The following TMC1 variants were observed in gnomAD, a reference collection of about 807,000 sequenced individuals.
TMC1 encodes transmembrane channel-like protein 1.
A neutral mutation model predicts 105.8 loss-of-function variants in TMC1; 84 were observed. The ratio of observed to expected loss-of-function variants is 0.79; its 90% CI spans 0.67 to 0.95. TMC1 has a LOEUF of 0.95. Ranked by LOEUF, TMC1 falls within the 40% of genes least tolerant of loss-of-function variation. The pLI is 0.00. For missense variants in TMC1, 817 were observed against 914.1 expected (o/e 0.89, Z 1.37); for synonymous variants, 315 against 311.5 (o/e 1.01, Z -0.12).
At chr9:72,786,356 A>T (rs556610682) in intron 13 of TMC1, among the ~76,000 whole-genome samples, 2 of 152,290 alleles carry the variant, frequency 1.3e-5, no homozygotes, top group African/African-American at 4.8e-5. Context: ...AGGCAGGAGA[A>T]TGGCGTGATC....
intron 23 of TMC1, among the ~76,000 whole-genome samples, chr9:72,832,273 A>G (rs1190720603): frequency 6.7e-6 from 1 of 150,242 alleles, no homozygotes; most frequent in Non-Finnish European, 1.5e-5. Flanking sequence ...TTTTATCCTA[A>G]GTTTAGAACA....
chr9:72,537,859 G>A (rs914853174), intron 1 of TMC1, among the ~76,000 whole-genome samples: 8 of 152,156 alleles, frequency 5.3e-5, no homozygotes, highest in African/African-American at 1.4e-4. Context: ...CTTGAGTTAA[G>A]ATAAAGAGGT....
intron 17 of TMC1, among the ~76,000 whole-genome samples, chr9:72,803,639 C>T (rs115438291): frequency 0.012 from 1,895 of 152,304 alleles, 54 homozygotes; most frequent in African/African-American, 0.044. Flanking sequence ...AAACACTCAA[C>T]ATCACTGATG....
At chr9:72,561,541 A>T (rs1206482906) in intron 1 of TMC1, among the ~76,000 whole-genome samples, 1 of 152,148 alleles carries the variant, frequency 6.6e-6, no homozygotes, top group Non-Finnish European at 1.5e-5. Flanking sequence ...TACATTAACA[A>T]TGTCCACAAA....
rs922614148 is a variant in TMC1 at position 72,615,796 on chromosome 9, C to T, written c.-305-572C>T. ...CGAGATAGGGTCTCACTCAGTCGCT[C>T]GGGCTGGAGTTCAATGGCACGATCT... On this transcript the variant is annotated intron_variant, in intron 2 of 23. Coordinates refer to ENST00000297784, the MANE Select transcript of TMC1 (RefSeq NM_138691.3). Among the ~76,000 whole-genome samples, 10 of 149,770 alleles carry T rather than the reference C, an allele frequency of 6.7e-5. No individual in the cohort carries two copies. In the East Asian group the frequency reaches 1.4e-3, roughly 20 times the overall value.
chr9:72,645,522 T>C (rs1002369948), intron 4 of TMC1, among the ~76,000 whole-genome samples: 8 of 152,300 alleles, frequency 5.3e-5, no homozygotes, highest in Non-Finnish European at 7.4e-5. Context: ...GTTTTTTGGA[T>C]GTTCAAGGCA....
chr9:72,698,064 T>C (rs938510031), intron 7 of TMC1, among the ~76,000 whole-genome samples: 2 of 151,886 alleles, frequency 1.3e-5, no homozygotes, highest in African/African-American at 4.8e-5. Flanking sequence ...ATTGTGGATA[T>C]AGATAGAGTA....
chr9:72,559,649 C>T (rs768205251), intron 1 of TMC1, among the ~76,000 whole-genome samples: 7 of 151,920 alleles, frequency 4.6e-5, no homozygotes, highest in Non-Finnish European at 8.8e-5. Context: ...ACAAACTTAT[C>T]GGATGTGTAG....
intron 1 of TMC1, among the ~76,000 whole-genome samples, chr9:72,566,136 C>T (rs1034703481): frequency 6.6e-6 from 1 of 152,126 alleles, no homozygotes. Context: ...CTCAAGTGAT[C>T]CTCCCTTCTG....
intron 12 of TMC1, among the ~76,000 whole-genome samples, chr9:72,760,466 T>C (rs982785655): frequency 2.6e-5 from 4 of 152,138 alleles, no homozygotes; most frequent in African/African-American, 7.2e-5. Context: ...TTTTGAAAAA[T>C]GCCATTATTT....
intron 8 of TMC1, among the ~76,000 whole-genome samples, chr9:72,737,585 G>A (rs1025124766): frequency 1.3e-5 from 2 of 152,098 alleles, no homozygotes; most frequent in African/African-American, 2.4e-5. Flanking sequence ...TCAGAAACAT[G>A]GGCAAGGTCA....
At chr9:72,542,964 C>A (rs1010047400) in intron 1 of TMC1, among the ~76,000 whole-genome samples, 2 of 152,158 alleles carry the variant, frequency 1.3e-5, no homozygotes, top group African/African-American at 2.4e-5. Context: ...CAGATATGAG[C>A]CACCGCACCC....
intron 5 of TMC1, among the ~76,000 whole-genome samples, chr9:72,653,360 C>T (rs1464782317): frequency 2.6e-5 from 4 of 152,138 alleles, no homozygotes; most frequent in African/African-American, 9.7e-5. Context: ...TTTCAGGATT[C>T]CTCTGAAGTG....
At chr9:72,698,901 A>G (rs1053992402) in intron 7 of TMC1, among the ~76,000 whole-genome samples, 3 of 152,160 alleles carry the variant, frequency 2.0e-5, no homozygotes, top group Non-Finnish European at 4.4e-5. Context: ...GGAGTGAAGA[A>G]GAGATGCTAA....
chr9:72,587,152 A>ACAGATAACT (rs1824566751), intron 2 of TMC1, among the ~76,000 whole-genome samples: 2 of 140,930 alleles, frequency 1.4e-5, no homozygotes, highest in South Asian at 4.4e-4. Context: ...TGGTTATGTA[A>ACAGATAACT]CAGATAACTT....
At chr9:72,683,733 T>TTATGTATATATA (rs1826329019) in intron 5 of TMC1, among the ~76,000 whole-genome samples, 1 of 53,396 alleles carries the variant, frequency 1.9e-5, no homozygotes, top group South Asian at 7.7e-4. Flanking sequence ...GTTACACATT[T>TTATGTATATATA]TATATATATA....
chr9:72,819,771 TA>T (rs1479237134), intron 19 of TMC1, among the ~76,000 whole-genome samples: 1 of 152,212 alleles, frequency 6.6e-6, no homozygotes, highest in Admixed American at 6.5e-5. Context: ...TACAAAATGC[TA>T]AACCTAGCTA....
Position 72,650,889 on chromosome 9 carries a change from TAG to T in TMC1, c.16+2227_16+2228del, listed in dbSNP as rs1564468472. 9.2e-4 allele frequency among the ~76,000 whole-genome samples: 118 copies of T among 128,486 alleles called. 1 individual carries two copies. Among genetic ancestry groups the T allele is most frequent in the Middle Eastern group, 8.5e-3 (2 of 234 alleles). 84.3% of individuals were successfully genotyped at this position (128,486 alleles called of 152,430 possible). On this transcript the variant is annotated intron_variant, in intron 5 of 23. Transcript: ENST00000297784. ...GGTGTATTTTATATATATAGATATA[TAG>T]ATATATATATAAATATATATAGATA...
intron 12 of TMC1, among the ~76,000 whole-genome samples, chr9:72,767,409 A>C (rs1827856986): frequency 6.6e-6 from 1 of 152,202 alleles, no homozygotes; most frequent in Non-Finnish European, 1.5e-5. Context: ...AAAGGGATGC[A>C]GTTTTAATAT....
Sources: allele counts gnomAD v4.1 joint callset (sites outside exome capture counted in the v4.1 genomes callset), GRCh38; gene constraint gnomAD v4.1.1; transcripts MANE v1.5; gene names NCBI Gene and HGNC (gene_info 2026-07-23, HGNC 2026-07-21).